ACSBG2: variants seen among roughly 807,000 people sequenced by gnomAD.
ACSBG2 encodes acyl-CoA synthetase bubblegum family member 2.
Under a neutral mutation model 74.7 loss-of-function variants are expected in ACSBG2, and 62 were observed. The observed-to-expected ratio is 0.83, with a 90% CI of 0.68 to 1.03. The LOEUF (loss-of-function observed/expected upper bound fraction) is 1.03. ACSBG2 is among the 50% of genes least tolerant of loss of function. The probability of loss-of-function intolerance (pLI) is 0.00; values close to 1 mark genes in which losing one functional copy is unlikely to be tolerated. For synonymous variants in ACSBG2, 309 were observed against 294.1 expected (o/e 1.05, Z -0.52); for missense variants, 730 against 817.6 (o/e 0.89, Z 1.31).
At chr19:6,140,634 T>G (rs1056803690) in intron 1 of ACSBG2, among the ~76,000 whole-genome samples, 6 of 152,032 alleles carry the variant, frequency 3.9e-5, no homozygotes, top group African/African-American at 1.4e-4. Context: ...GAGCCGAGAT[T>G]GTGTCACTGC....
At chr19:6,178,825 TGAGGA>T (rs2090161472) in intron 8 of ACSBG2, among the ~76,000 whole-genome samples, 1 of 151,894 alleles carries the variant, frequency 6.6e-6, no homozygotes, top group African/African-American at 2.4e-5. Flanking sequence ...CAAAAGGAAG[TGAGGA>T]GAGAAGGATA....
rs998083695 is a variant in ACSBG2 at position 6,182,843 on chromosome 19, A to T, written c.999A>T (p.Lys333Asn). ...IWEKIHEMVK[K>N]NSAKSMGLKK... ...AGAAGATACATGAGATGGTGAAGAA[A>T]AATAGTGCCAAGTCCATGGGCTTGA... The change falls in exon 9 of 15, where the codon AAA (lysine) becomes AAT (asparagine). Residue 333 changes from lysine to asparagine, a missense_variant. Physicochemically the swap from Lys to Asn is moderately conservative, Grantham distance 94. Coordinates refer to ENST00000588485, the MANE Select transcript of ACSBG2 (RefSeq NM_030924.5). 3.1e-6 allele frequency: 5 copies of T among 1,614,156 alleles called. No homozygotes were observed. Among genetic ancestry groups the T allele is most frequent in the Non-Finnish European group, 4.2e-6 (5 of 1,180,034 alleles).
chr19:6,167,366 C>G (rs1489396195), intron 7 of ACSBG2, among the ~76,000 whole-genome samples: 1 of 152,172 alleles, frequency 6.6e-6, no homozygotes, highest in Non-Finnish European at 1.5e-5. Context: ...TGGCAGAGGG[C>G]CTGGCCCATG....
chr19:6,185,357 C>G (rs2090375160), intron 10 of ACSBG2, 79 bp from the exon 11 acceptor site: 11 of 1,455,122 alleles, frequency 7.6e-6, no homozygotes, highest in Middle Eastern at 2.3e-4. Flanking sequence ...TATTAGGCAC[C>G]TAGGCTGAAG....
At chr19:6,168,877 TA>T (rs1480966818) in intron 7 of ACSBG2, among the ~76,000 whole-genome samples, 1 of 152,096 alleles carries the variant, frequency 6.6e-6, no homozygotes, top group Admixed American at 6.6e-5. Flanking sequence ...CTCCCAGGTT[TA>T]AACAATTCTC....
In ACSBG2 at chr19:6,145,769, A is replaced by G. The variant is rs559139095; in HGVS notation, c.68-1677A>G. On this transcript the variant is annotated intron_variant, in intron 2 of 14. Coordinates refer to ENST00000588485, the MANE Select transcript of ACSBG2 (RefSeq NM_030924.5). Reference sequence around the variant, plus strand: ...TTGAATTGGTCCCTTTGCTAGTTCCATTTGGCTGATCTGGGTGATGTCGCT... The same window carrying G: ...TTGAATTGGTCCCTTTGCTAGTTCCGTTTGGCTGATCTGGGTGATGTCGCT... Among the ~76,000 whole-genome samples, 115 of 152,286 alleles carry G rather than the reference A, an allele frequency of 7.6e-4. No homozygotes were observed. The Middle Eastern group carries it at 0.01, about 14-fold the overall frequency.
chr19:6,178,077 C>G (rs2090138528), intron 8 of ACSBG2, among the ~76,000 whole-genome samples: 1 of 152,062 alleles, frequency 6.6e-6, no homozygotes, highest in Non-Finnish European at 1.5e-5. Context: ...CTTTTCTTGA[C>G]TTATACCCTT....
intron 4 of ACSBG2, among the ~76,000 whole-genome samples, chr19:6,153,683 AAAAGT>A (rs945213796): frequency 6.6e-6 from 1 of 151,956 alleles, no homozygotes; most frequent in South Asian, 2.1e-4. Flanking sequence ...AAAATAAAAT[AAAAGT>A]GTTTTTAAAA....
chr19:6,185,721 G>A (rs924789475), intron 11 of ACSBG2, 68 bp downstream of exon 11: 3 of 1,560,760 alleles, frequency 1.9e-6, no homozygotes, highest in Non-Finnish European at 2.6e-6. Flanking sequence ...AAGGGCCCAG[G>A]GTACCAGCAC....
chr19:6,169,728 C>A (rs1282167425), intron 7 of ACSBG2, among the ~76,000 whole-genome samples: 1 of 152,100 alleles, frequency 6.6e-6, no homozygotes, highest in Non-Finnish European at 1.5e-5. Context: ...GAATGCTTTT[C>A]CATTTGTGTC....
At chr19:6,187,914 C>A in intron 13 of ACSBG2, 69 bp downstream of exon 13, 1 of 1,571,502 alleles carries the variant, frequency 6.4e-7, no homozygotes, top group Non-Finnish European at 8.6e-7. Flanking sequence ...TCTGAAGAGA[C>A]AGGTCCTTTT....
At position 6,180,250 on chromosome 19, in the gene ACSBG2, G is replaced by A. The variant is rs1032213757; in HGVS notation, c.907-2501G>A. Among the ~76,000 whole-genome samples the A allele has an allele frequency of 4.6e-5, 7 of 152,112 alleles. No individual in the cohort carries two copies. Among genetic ancestry groups the A allele is most frequent in the African/African-American group, 1.7e-4 (7 of 41,418 alleles). The stretch of plus-strand genomic sequence containing the variant: ...AAGATTACATATTCACAGGTCCCAG[G>A]AGTTAGAACGTGGACATCTTTAGGG... On this transcript the variant is annotated intron_variant, in intron 8 of 14. Coordinates refer to ENST00000588485, the MANE Select transcript of ACSBG2 (RefSeq NM_030924.5). The surrounding 1 kb of genome is among the most constrained non-coding windows in gnomAD (Gnocchi z 4.3).
chr19:6,190,722 C>T, intron 14 of ACSBG2, 30 bp downstream of exon 14: 2 of 1,492,402 alleles, frequency 1.3e-6, no homozygotes, highest in Non-Finnish European at 1.9e-6. Context: ...CTTTGCTGGG[C>T]TATGCATTCA....
intron 2 of ACSBG2, 38 bp from the exon 3 acceptor site, chr19:6,147,408 A>G: frequency 6.4e-7 from 1 of 1,565,144 alleles, no homozygotes; most frequent in South Asian, 1.1e-5. Flanking sequence ...TTAAATAAAT[A>G]AAAACATTTG....
intron 1 of ACSBG2, among the ~76,000 whole-genome samples, chr19:6,140,201 G>A (rs1004704865): frequency 1.4e-5 from 2 of 146,472 alleles, no homozygotes; most frequent in African/African-American, 5.0e-5. Flanking sequence ...CTCCAGCCTG[G>A]GCGACAGAGC....
intron 1 of ACSBG2, among the ~76,000 whole-genome samples, chr19:6,138,001 A>G (rs1478255025): frequency 6.6e-6 from 1 of 152,148 alleles, no homozygotes; most frequent in Non-Finnish European, 1.5e-5. Flanking sequence ...TTCAAACACA[A>G]AAGTAGAGCT....
chr19:6,183,338 G>A, intron 10 of ACSBG2, 66 bp downstream of exon 10: 1 of 1,379,254 alleles, frequency 7.3e-7, no homozygotes, highest in Non-Finnish European at 1.0e-6. Flanking sequence ...GAAGGTGGGT[G>A]GATAGATGGG....
chr19:6,192,237 G>C (rs948454433), intron 14 of ACSBG2, among the ~76,000 whole-genome samples: 2 of 152,072 alleles, frequency 1.3e-5, no homozygotes, highest in Admixed American at 1.3e-4. Context: ...TTTAGAGACA[G>C]GGTCTTGCTC....
At chr19:6,145,552 C>T (rs187827568) in intron 2 of ACSBG2, among the ~76,000 whole-genome samples, 31 of 152,204 alleles carry the variant, frequency 2.0e-4, no homozygotes, top group African/African-American at 7.0e-4. Context: ...GTTGAACAAA[C>T]GCAAGGTTAC....
Sources: allele counts gnomAD v4.1 joint callset (sites outside exome capture counted in the v4.1 genomes callset), GRCh38; gene constraint gnomAD v4.1.1; non-coding constraint Gnocchi (gnomAD v3.1); transcripts MANE v1.5; gene names NCBI Gene and HGNC (gene_info 2026-07-23, HGNC 2026-07-21).